Variants in ADAMTS17 observed in about 807,000 individuals in gnomAD.
The protein encoded by ADAMTS17 is ADAM metallopeptidase with thrombospondin type 1 motif 17, also known as A disintegrin and metalloproteinase with thrombospondin motifs 17.
A neutral mutation model predicts 141.5 loss-of-function variants in ADAMTS17; 113 were observed. That is an observed-to-expected ratio of 0.80 (90% confidence interval 0.69 to 0.93). The LOEUF (loss-of-function observed/expected upper bound fraction) is 0.93. Ranked by LOEUF, ADAMTS17 falls within the 40% of genes least tolerant of loss-of-function variation. The probability of loss-of-function intolerance (pLI) is 0.00; values close to 1 mark genes in which losing one functional copy is unlikely to be tolerated. For missense variants in ADAMTS17, 1,659 were observed against 1,517.9 expected (o/e 1.09, Z -1.54); for synonymous variants, 768 against 630.6 (o/e 1.22, Z -3.27).
intron 11 of ADAMTS17, among the ~76,000 whole-genome samples, chr15:100,132,499 G>T (rs2038103828): frequency 6.6e-6 from 1 of 152,194 alleles, no homozygotes; most frequent in Non-Finnish European, 1.5e-5. Flanking sequence ...CTGGGAGGCG[G>T]CATGCCCCGG....
chr15:100,058,221 C>CT lies in ADAMTS17; in HGVS notation c.2138-4168_2138-4167insA, dbSNP rs1471468852. Among the ~76,000 whole-genome samples, 28 of 25,000 alleles carry CT rather than the reference C, an allele frequency of 1.1e-3. 3 individuals carry two copies. Among genetic ancestry groups the CT allele is most frequent in the South Asian group, 1.5e-3 (1 of 666 alleles). 16.4% of individuals were successfully genotyped at this position (25,000 alleles called of 152,430 possible). On this transcript the variant is annotated intron_variant, in intron 15 of 21. Coordinates refer to ENST00000268070, the MANE Select transcript of ADAMTS17 (RefSeq NM_139057.4). The stretch of plus-strand genomic sequence containing the variant: ...CAGCTCCAACACCCCTATTCCGGCT[C>CT]CAACACTCCTATCCCAGCTCTGACC...
chr15:100,146,046 G>T (rs2038888007), intron 10 of ADAMTS17, among the ~76,000 whole-genome samples: 1 of 152,184 alleles, frequency 6.6e-6, no homozygotes, highest in Non-Finnish European at 1.5e-5. Flanking sequence ...GGTGGCGCAT[G>T]CCTGTAATCA....
intron 17 of ADAMTS17, 65 bp downstream of exon 17, chr15:100,051,507 A>G: frequency 6.2e-7 from 1 of 1,608,850 alleles, no homozygotes; most frequent in Non-Finnish European, 8.5e-7. Context: ...TGCTGGCCAC[A>G]GATGCCTTTC....
At chr15:100,295,779 C>T (rs928707268) in intron 3 of ADAMTS17, among the ~76,000 whole-genome samples, 4 of 152,180 alleles carry the variant, frequency 2.6e-5, no homozygotes, top group Non-Finnish European at 5.9e-5. Context: ...TTCCAGCTTT[C>T]CTGGCTAGAC....
rs778936593 is a variant in ADAMTS17 at position 100,133,206 on chromosome 15, G to C, written c.1575+8C>G. ...GCCTGTTGGGGGCAGTGGGAAGTCAGAGGTTACCTTGTCTGCCCCACACTC... is the reference window on the plus strand; with the variant it reads ...GCCTGTTGGGGGCAGTGGGAAGTCACAGGTTACCTTGTCTGCCCCACACTC... On this transcript the variant is annotated splice_region_variant and intron_variant, in intron 11 of 21. Coordinates refer to ENST00000268070, the MANE Select transcript of ADAMTS17 (RefSeq NM_139057.4). 3.8e-6 allele frequency: 6 copies of C among 1,580,742 alleles called. No individual in the cohort carries two copies. The Admixed American group carries it at 5.3e-5, about 14-fold the overall frequency.
At chr15:100,230,230 C>A (rs183245447) in intron 7 of ADAMTS17, among the ~76,000 whole-genome samples, 2 of 152,206 alleles carry the variant, frequency 1.3e-5, no homozygotes, top group Non-Finnish European at 2.9e-5. Flanking sequence ...CCGCGGTGCA[C>A]GAAAGCCACA....
intron 14 of ADAMTS17, among the ~76,000 whole-genome samples, chr15:100,107,250 G>A (rs1256752778): frequency 6.6e-6 from 1 of 152,156 alleles, no homozygotes; most frequent in Non-Finnish European, 1.5e-5. Flanking sequence ...CACTCTGCTA[G>A]GCACTGAGCA....
chr15:100,312,474 C>T (rs1429568573), intron 3 of ADAMTS17, among the ~76,000 whole-genome samples: 2 of 152,218 alleles, frequency 1.3e-5, no homozygotes, highest in Non-Finnish European at 2.9e-5. Context: ...AGACTTCTGA[C>T]CTCCAGAGCC....
intron 8 of ADAMTS17, among the ~76,000 whole-genome samples, chr15:100,176,671 T>C (rs991523120): frequency 1.4e-5 from 2 of 144,242 alleles, no homozygotes; most frequent in African/African-American, 5.1e-5. Flanking sequence ...TGTAGAGCTC[T>C]ATGCAATTAT....
chr15:100,058,201 C>CTAA (rs1567101588), intron 15 of ADAMTS17, among the ~76,000 whole-genome samples: 1 of 30,410 alleles, frequency 3.3e-5, no homozygotes, highest in Non-Finnish European at 9.7e-5. Flanking sequence ...TATCCCAGCT[C>CTAA]CAACACCCCT....
intron 3 of ADAMTS17, among the ~76,000 whole-genome samples, chr15:100,295,971 C>G (rs1176947553): frequency 6.6e-6 from 1 of 152,154 alleles, no homozygotes; most frequent in African/African-American, 2.4e-5. Flanking sequence ...GGCCTATATT[C>G]TGAGTCACCA....
chr15:100,082,766 C>CT (rs71151935), intron 15 of ADAMTS17, among the ~76,000 whole-genome samples: 5,222 of 123,232 alleles, frequency 0.042, 357 homozygotes, highest in African/African-American at 0.14. Flanking sequence ...TCTCGTTAGT[C>CT]TTTTTTTTTT....
chr15:100,321,706 A>C (rs572136559), intron 3 of ADAMTS17, among the ~76,000 whole-genome samples: 187 of 152,360 alleles, frequency 1.2e-3, no homozygotes, highest in Non-Finnish European at 1.9e-3. Context: ...TACAAAGCAG[A>C]GATCAATAGA....
intron 7 of ADAMTS17, among the ~76,000 whole-genome samples, chr15:100,202,586 C>T (rs1183976472): frequency 1.3e-5 from 2 of 152,132 alleles, no homozygotes; most frequent in Non-Finnish European, 2.9e-5. Flanking sequence ...GGGGAGTAAA[C>T]AGTAATTAAG....
chr15:99,987,109 G>A (rs193209317), intron 20 of ADAMTS17, among the ~76,000 whole-genome samples: 38 of 152,290 alleles, frequency 2.5e-4, no homozygotes, highest in African/African-American at 5.1e-4. Context: ...ATGCCTGGGC[G>A]TCCTCCCCCA....
intron 3 of ADAMTS17, among the ~76,000 whole-genome samples, chr15:100,296,577 G>GT (rs201581933): frequency 0.058 from 3,172 of 54,874 alleles, 35 homozygotes; most frequent in African/African-American, 0.12. Flanking sequence ...GGGGGTGAGG[G>GT]GGGGTGTGTG....
chr15:100,033,302 G>A (rs1011982969), intron 18 of ADAMTS17, among the ~76,000 whole-genome samples: 1 of 152,074 alleles, frequency 6.6e-6, no homozygotes. Context: ...AGTCATGAAG[G>A]GTTTGGAAAA....
intron 15 of ADAMTS17, among the ~76,000 whole-genome samples, chr15:100,079,225 T>C (rs1418603913): frequency 6.6e-6 from 1 of 152,190 alleles, no homozygotes; most frequent in Non-Finnish European, 1.5e-5. Context: ...AATGAAAACA[T>C]GTCCACATGG....
At chr15:100,205,686 A>C (rs2041516289) in intron 7 of ADAMTS17, among the ~76,000 whole-genome samples, 1 of 152,174 alleles carries the variant, frequency 6.6e-6, no homozygotes, top group African/African-American at 2.4e-5. Flanking sequence ...TCTTATTTTG[A>C]CAAACACTTT....
Sources: gnomAD v4.1 joint callset for allele counts (sites outside exome capture counted in the v4.1 genomes callset) on GRCh38, gnomAD v4.1.1 for gene constraint, MANE v1.5 for transcripts, NCBI Gene and HGNC (gene_info 2026-07-23, HGNC 2026-07-21) for gene names.